Variants in LAMB1 observed in about 807,000 individuals in gnomAD.
LAMB1 encodes laminin subunit beta-1.
In LAMB1, 121 loss-of-function variants were observed where a neutral mutation model predicts 222.3. The ratio of observed to expected loss-of-function variants is 0.54; its 90% CI spans 0.47 to 0.63. LAMB1 has a LOEUF of 0.63. Ranked by LOEUF, LAMB1 falls within the 30% of genes least tolerant of loss-of-function variation. The probability of loss-of-function intolerance (pLI) is 0.00; values close to 1 mark genes in which losing one functional copy is unlikely to be tolerated. For missense variants in LAMB1, 2,172 were observed against 2,240.8 expected (o/e 0.97, Z 0.62); for synonymous variants, 794 against 807.2 (o/e 0.98, Z 0.28).
intron 22 of LAMB1, among the ~76,000 whole-genome samples, chr7:107,953,094 C>T (rs1340452303): frequency 6.6e-6 from 1 of 152,214 alleles, no homozygotes; most frequent in Non-Finnish European, 1.5e-5. Context: ...CAACGGCTCA[C>T]GCCTGTAATC....
chr7:107,973,010 C>A lies in LAMB1; in HGVS notation c.1544G>T (p.Gly515Val). The A allele has an allele frequency of 6.2e-7, 1 of 1,613,910 alleles. No homozygotes were observed. The highest frequency in any genetic ancestry group is 1.1e-5 in the South Asian group (1 of 91,080). Residue 515 changes from glycine (G) to valine (V), a missense_variant, in exon 13 of 34, where the codon GGG becomes GTG. Transcript: ENST00000222399. ...DGCRPCDCDLGGALNNSCFAE... is the reference protein window; with the variant it reads ...DGCRPCDCDLVGALNNSCFAE... Reference sequence around the variant, plus strand: ...CATTTACCTGTTGTTTAAGGCTCCCCCAAGGTCACAGTCACATGGTCGACA... The same window carrying A: ...CATTTACCTGTTGTTTAAGGCTCCCACAAGGTCACAGTCACATGGTCGACA...
Position 107,940,098 on chromosome 7 carries a change from C to T in LAMB1, c.3652G>A (p.Glu1218Lys). The change falls in exon 25 of 34, where the codon GAG becomes AAG. Residue 1218 changes from glutamate (E) to lysine (K), a missense_variant. Transcript: ENST00000222399. ...KISGVIGPYR[E>K]TVDSVERKVS... ...TTCCTCTCCACCGAGTCCACAGTCTCACGGTAAGGCCCGATCACACCACTG... is the reference window on the plus strand; with the variant it reads ...TTCCTCTCCACCGAGTCCACAGTCTTACGGTAAGGCCCGATCACACCACTG... 1 of 1,614,144 alleles carries T rather than the reference C, an allele frequency of 6.2e-7. No homozygotes were observed. The highest frequency in any genetic ancestry group is 8.5e-7 in the Non-Finnish European group (1 of 1,180,024).
rs1165056858 is a variant in LAMB1 at position 107,959,678 on chromosome 7, T to C, written c.2458+13A>G. 1.9e-6 allele frequency: 3 copies of C among 1,614,104 alleles called. No homozygotes were observed. Among genetic ancestry groups the C allele is most frequent in the Admixed American group, 1.7e-5 (1 of 60,000 alleles). ...TCTGAATGAATGCATAACAATGCTT[T>C]TGAGGAACCTACGTTTGCATCCACT... On this transcript the variant is annotated intron_variant, in intron 19 of 33. Transcript: ENST00000222399.
chr7:107,958,355 A>G (rs2033421015), intron 20 of LAMB1, among the ~76,000 whole-genome samples: 1 of 152,202 alleles, frequency 6.6e-6, no homozygotes, highest in Non-Finnish European at 1.5e-5. Context: ...TTGAGCCGAG[A>G]GCCACGTGTT....
chr7:107,975,147 A>AAAT, intron 11 of LAMB1, 49 bp from the exon 12 acceptor site: 1 of 1,549,912 alleles, frequency 6.5e-7, no homozygotes, highest in Non-Finnish European at 8.9e-7. Context: ...CGTGAGTTTC[A>AAAT]AATAATAATC....
chr7:108,002,301 TA>T, intron 2 of LAMB1: 1 of 1,307,984 alleles, frequency 7.6e-7, no homozygotes, highest in Admixed American at 2.3e-5. Flanking sequence ...TTTCCGGAGC[TA>T]GGGGAGCCCA....
chr7:107,934,334 TCTG>T (rs1355988660), intron 27 of LAMB1, among the ~76,000 whole-genome samples: 4 of 152,204 alleles, frequency 2.6e-5, no homozygotes, highest in Non-Finnish European at 5.9e-5. Flanking sequence ...TTTGAACTCT[TCTG>T]CGCCTATGTA....
chr7:107,993,290 C>T (rs150558785), intron 5 of LAMB1, among the ~76,000 whole-genome samples: 2 of 152,268 alleles, frequency 1.3e-5, no homozygotes, highest in African/African-American at 2.4e-5. Context: ...CGTGCCACCA[C>T]GCCTGGCTAA....
At position 107,929,163 on chromosome 7, in the gene LAMB1, C is replaced by T. The variant is rs779258475; in HGVS notation, c.4788G>A (p.Lys1596=). 1 of 1,614,024 alleles carries T rather than the reference C, an allele frequency of 6.2e-7. No individual in the cohort carries two copies. Among genetic ancestry groups the T allele is most frequent in the Non-Finnish European group, 8.5e-7 (1 of 1,179,970 alleles). The change falls in exon 31 of 34, where the codon AAG becomes AAA. Residue 1596 remains lysine, a synonymous_variant. Coordinates refer to ENST00000222399, the MANE Select transcript of LAMB1 (RefSeq NM_002291.3). The part of the protein sequence containing the change: ...TDVKVTADMV[K]EALEEAEKAQ... ...CCTTTTCTGCTTCTTCCAGAGCTTCCTTTACCATATCTGCAGTGACTTTAA... is the reference window on the plus strand; with the variant it reads ...CCTTTTCTGCTTCTTCCAGAGCTTCTTTTACCATATCTGCAGTGACTTTAA...
intron 27 of LAMB1, among the ~76,000 whole-genome samples, chr7:107,934,903 A>C (rs1326837054): frequency 6.2e-5 from 1 of 16,104 alleles, no homozygotes; most frequent in African/African-American, 4.9e-4. Context: ...CCATCTCTTT[A>C]AAAAAAAAAA....
intron 4 of LAMB1, among the ~76,000 whole-genome samples, chr7:107,996,929 C>CG (rs1254870785): frequency 2.6e-5 from 4 of 152,164 alleles, no homozygotes; most frequent in Admixed American, 2.6e-4. Context: ...CAGAAGTCCT[C>CG]GGGGTACACT....
intron 12 of LAMB1, 55 bp downstream of exon 12, chr7:107,974,931 T>C: frequency 1.9e-6 from 2 of 1,030,200 alleles, no homozygotes; most frequent in Non-Finnish European, 3.0e-6. Context: ...GGCTTCTCTA[T>C]TAAAACATGT....
intron 24 of LAMB1, chr7:107,942,715 C>CAA (rs1360845222): frequency 6.6e-6 from 1 of 152,160 alleles, no homozygotes; most frequent in African/African-American, 2.4e-5. Context: ...AGCAAGCATT[C>CAA]AATAAATAAA....
intron 13 of LAMB1, among the ~76,000 whole-genome samples, chr7:107,965,012 T>G (rs1288333959): frequency 6.6e-6 from 1 of 152,180 alleles, no homozygotes; most frequent in African/African-American, 2.4e-5. Context: ...TCCTGAGATT[T>G]AGGCTCAAAT....
chr7:107,973,161 G>T, intron 12 of LAMB1, 90 bp from the exon 13 acceptor site: 1 of 1,052,194 alleles, frequency 9.5e-7, no homozygotes, highest in Non-Finnish European at 1.5e-6. Flanking sequence ...TGTTTCGGCT[G>T]TTCCACCAAA....
At chr7:107,955,433 T>C in intron 21 of LAMB1, 34 bp downstream of exon 21, 1 of 1,569,798 alleles carries the variant, frequency 6.4e-7, no homozygotes, top group Non-Finnish European at 8.7e-7. Context: ...TCTTTTTCTC[T>C]CTCTTTGCCT....
rs1176051880 is a variant in LAMB1, at chr7:107,924,258, T to C, written c.5196A>G (p.Gln1732=). 1.2e-6 allele frequency: 2 copies of C among 1,611,994 alleles called. No individual in the cohort carries two copies. The highest frequency in any genetic ancestry group is 1.1e-5 in the South Asian group (1 of 90,360). ...LQNEAKTLLA[Q]ANSKLQLLKD... is the part of the protein sequence containing the mutation. Reference sequence around the variant, plus strand: ...TGAGCAGTTGCAGCTTGCTATTTGCTTGAGCTAAAAGAGTTTTTGCTTCAT... The same window carrying C: ...TGAGCAGTTGCAGCTTGCTATTTGCCTGAGCTAAAAGAGTTTTTGCTTCAT... Residue 1732 remains glutamine, a synonymous_variant, in exon 33 of 34, where the codon CAA becomes CAG. Transcript: ENST00000222399.
At chr7:107,973,975 G>A (rs1236329444) in intron 12 of LAMB1, among the ~76,000 whole-genome samples, 1 of 152,010 alleles carries the variant, frequency 6.6e-6, no homozygotes, top group Non-Finnish European at 1.5e-5. Flanking sequence ...AAAAATTTTA[G>A]AGATGGGGTC....
In LAMB1 at chr7:107,959,443, G is replaced by A. The variant is rs750235710; in HGVS notation, c.2496C>T (p.Phe832=). The change falls in exon 20 of 34, where the codon TTC becomes TTT. Residue 832 remains phenylalanine (F), a synonymous_variant. Coordinates refer to ENST00000222399, the MANE Select transcript of LAMB1 (RefSeq NM_002291.3). ...ECHLQGSVNA[F]CNPVTGQCHC... The stretch of plus-strand genomic sequence containing the variant: ...GGCACTGGCCAGTGACGGGATTGCA[G>A]AAGGCATTGACAGATCCTTGCAGAT... 34 of 1,614,114 alleles carry A rather than the reference G, an allele frequency of 2.1e-5. No individual in the cohort carries two copies. In the South Asian group the frequency reaches 3.7e-4, roughly 18 times the overall value.
Sources: gnomAD v4.1 joint callset for allele counts (sites outside exome capture counted in the v4.1 genomes callset) on GRCh38, gnomAD v4.1.1 for gene constraint, MANE v1.5 for transcripts, NCBI Gene and HGNC (gene_info 2026-07-23, HGNC 2026-07-21) for gene names.